Variants in PCDHGA2 observed in about 807,000 individuals in gnomAD.
PCDHGA2 encodes protocadherin gamma subfamily A, 2, also known as protocadherin gamma-A2.
Under a neutral mutation model 59.2 loss-of-function variants are expected in PCDHGA2, and 40 were observed. The ratio of observed to expected loss-of-function variants is 0.68; its 90% CI spans 0.52 to 0.88. The LOEUF (loss-of-function observed/expected upper bound fraction) is 0.88, where lower values mean the gene tolerates loss of function less well. Ranked by LOEUF, PCDHGA2 falls within the 40% of genes least tolerant of loss-of-function variation. The probability of loss-of-function intolerance (pLI) is 0.00; values close to 1 mark genes in which losing one functional copy is unlikely to be tolerated. For missense variants in PCDHGA2, 1,226 were observed against 1,204.0 expected (o/e 1.02, Z -0.27); for synonymous variants, 560 against 526.0 (o/e 1.06, Z -0.89).
chr5:141,409,102 G>T, intron 1 of PCDHGA2: 2 of 1,613,996 alleles, frequency 1.2e-6, no homozygotes, highest in Non-Finnish European at 8.5e-7. Flanking sequence ...AAACAGGTAT[G>T]ATTAAGAATA....
chr5:141,339,665 G>C lies in PCDHGA2; in HGVS notation c.694G>C (p.Val232Leu). The C allele has an allele frequency of 3.7e-6, 6 of 1,614,200 alleles. No homozygotes were observed. Among genetic ancestry groups the C allele is most frequent in the Non-Finnish European group, 5.1e-6 (6 of 1,180,042 alleles). Reference protein sequence around the residue: ...LSGTSRICVKVLDANDNAPVF... With the variant: ...LSGTSRICVKLLDANDNAPVF... ...TGGCACCTCCCGCATCTGCGTGAAG[G>C]TCCTGGATGCGAACGACAATGCGCC... The change falls in exon 1 of 4, where the codon GTC (valine) becomes CTC (leucine). Residue 232 changes from valine to leucine, a missense_variant. By Grantham distance (32) the Val-to-Leu change is conservative (BLOSUM62 1). Coordinates refer to ENST00000394576, the MANE Select transcript of PCDHGA2 (RefSeq NM_018915.4).
intron 1 of PCDHGA2, chr5:141,433,196 C>A (rs750657930): frequency 4.4e-6 from 7 of 1,575,116 alleles, no homozygotes; most frequent in African/African-American, 1.4e-5. Context: ...GAGTTTATAT[C>A]AAATCTTCTT....
At chr5:141,413,336 A>G (rs1561741680) in intron 1 of PCDHGA2, 1 of 1,613,972 alleles carries the variant, frequency 6.2e-7, no homozygotes, top group Non-Finnish European at 8.5e-7. Flanking sequence ...AACATCTCCA[A>G]GGACTTGGGT....
At chr5:141,387,663 T>G (rs999949836) in intron 1 of PCDHGA2, 6 of 673,368 alleles carry the variant, frequency 8.9e-6, no homozygotes, top group Admixed American at 6.4e-5. Flanking sequence ...AGCTTGGCGC[T>G]CCAGATCTCC....
intron 1 of PCDHGA2, among the ~76,000 whole-genome samples, chr5:141,473,191 G>C (rs28479996): frequency 6.6e-6 from 1 of 152,134 alleles, no homozygotes; most frequent in South Asian, 2.1e-4. Flanking sequence ...AGGAGTAAAT[G>C]TATCTTCTAA....
intron 1 of PCDHGA2, chr5:141,356,065 T>C (rs745777482): frequency 1.2e-6 from 2 of 1,613,808 alleles, no homozygotes; most frequent in South Asian, 2.2e-5. Flanking sequence ...AGACAAAATA[T>C]CACAGCTATT....
At position 141,370,581 on chromosome 5, in the gene PCDHGA2, A is replaced by G. The variant is rs750222191; in HGVS notation, c.2424+29186A>G. 6.2e-6 allele frequency: 10 copies of G among 1,613,758 alleles called. No homozygotes were observed. The Admixed American group carries it at 1.0e-4, about 16-fold the overall frequency. ...GGGGTTTGGCGTGGGGGATTTACCT[A>G]CTAGGAACCTGCGGGTTATTGCAGA... On this transcript the variant is annotated intron_variant, in intron 1 of 3. Coordinates refer to ENST00000394576, the MANE Select transcript of PCDHGA2 (RefSeq NM_018915.4).
At chr5:141,457,280 A>T (rs964027392) in intron 1 of PCDHGA2, among the ~76,000 whole-genome samples, 1 of 152,196 alleles carries the variant, frequency 6.6e-6, no homozygotes, top group Non-Finnish European at 1.5e-5. Flanking sequence ...TGGGCCTACG[A>T]AGTTCCTTGG....
At chr5:141,351,629 G>C in intron 1 of PCDHGA2, 1 of 1,614,046 alleles carries the variant, frequency 6.2e-7, no homozygotes, top group Non-Finnish European at 8.5e-7. Context: ...TGTGGTCCAC[G>C]TGTCTGAGAA....
intron 1 of PCDHGA2, among the ~76,000 whole-genome samples, chr5:141,470,268 G>A (rs1349444076): frequency 6.6e-6 from 1 of 152,082 alleles, no homozygotes; most frequent in East Asian, 1.9e-4. Flanking sequence ...GGAGATACAT[G>A]TTTGTTTGAT....
intron 1 of PCDHGA2, among the ~76,000 whole-genome samples, chr5:141,460,983 G>GTA (rs59296681): frequency 9.4e-4 from 130 of 137,840 alleles, no homozygotes; most frequent in Middle Eastern, 3.8e-3. Context: ...GTGTGTGTGT[G>GTA]TATATATATA....
Position 141,477,964 on chromosome 5 carries a change from G to T in PCDHGA2, c.2425-16843G>T, listed in dbSNP as rs2099426491. On this transcript the variant is annotated intron_variant, in intron 1 of 3. Coordinates refer to ENST00000394576, the MANE Select transcript of PCDHGA2 (RefSeq NM_018915.4). The surrounding 1 kb of genome is among the most constrained non-coding windows in gnomAD (Gnocchi z 4.9). Reference sequence around the variant, plus strand: ...ACAGTCTCTTGGGATCCCCTAACCAGAGCCTTTTTGCCATAGGGCTGCACA... The same window carrying T: ...ACAGTCTCTTGGGATCCCCTAACCATAGCCTTTTTGCCATAGGGCTGCACA... 6.2e-7 allele frequency: 1 copy of T among 1,613,978 alleles called. No homozygotes were observed. The highest frequency in any genetic ancestry group is 1.1e-5 in the South Asian group (1 of 91,080).
chr5:141,481,182 G>T (rs2099533183), intron 1 of PCDHGA2, among the ~76,000 whole-genome samples: 1 of 152,180 alleles, frequency 6.6e-6, no homozygotes, highest in Non-Finnish European at 1.5e-5. Flanking sequence ...AGCTTTATTG[G>T]GCCAGGCCCA....
intron 1 of PCDHGA2, chr5:141,427,868 C>T (rs1311930991): frequency 4.5e-6 from 7 of 1,559,298 alleles, no homozygotes; most frequent in African/African-American, 2.7e-5. Context: ...CCTTCGAGCT[C>T]ACGATGCAGG....
chr5:141,430,629 C>A, intron 1 of PCDHGA2: 1 of 812,246 alleles, frequency 1.2e-6, no homozygotes. Context: ...AGGAATGAAC[C>A]ATCCCTGGGA....
intron 3 of PCDHGA2, among the ~76,000 whole-genome samples, chr5:141,506,349 T>A (rs894933059): frequency 8.0e-5 from 12 of 150,304 alleles, no homozygotes; most frequent in Admixed American, 2.7e-4. Context: ...CTTGGGAGGC[T>A]GAGGCAGGAG....
intron 1 of PCDHGA2, chr5:141,385,224 T>C (rs751833387): frequency 1.2e-6 from 2 of 1,614,206 alleles, no homozygotes; most frequent in Non-Finnish European, 1.7e-6. Context: ...AGCCCAACTA[T>C]GTAGACATGC....
At position 141,508,878 on chromosome 5, in the gene PCDHGA2, C is replaced by A. The variant is rs189735747; in HGVS notation, c.2573-2069C>A. The stretch of plus-strand genomic sequence containing the variant: ...GGCTGGGAAAGGCTGAAGAGGCTGA[C>A]GGCTGGAGGGGAGGGGGCGGGGCGG... On this transcript the variant is annotated intron_variant, in intron 3 of 3. Transcript: ENST00000394576. Among the ~76,000 whole-genome samples, 561 of 152,074 alleles carry A rather than the reference C, an allele frequency of 3.7e-3. 3 individuals carry two copies. The highest frequency in any genetic ancestry group is 0.012 in the African/African-American group (508 of 41,498).
chr5:141,403,315 A>C, intron 1 of PCDHGA2: 1 of 1,613,974 alleles, frequency 6.2e-7, no homozygotes, highest in African/African-American at 1.3e-5. Flanking sequence ...GAATAGAAAT[A>C]GAAGTAACTG....
Sources: allele counts gnomAD v4.1 joint callset (sites outside exome capture counted in the v4.1 genomes callset), GRCh38; gene constraint gnomAD v4.1.1; non-coding constraint Gnocchi (gnomAD v3.1); transcripts MANE v1.5; gene names NCBI Gene and HGNC (gene_info 2026-07-23, HGNC 2026-07-21).